IMMP2L: variants seen among roughly 807,000 people sequenced by gnomAD.
The protein encoded by IMMP2L is inner mitochondrial membrane peptidase subunit 2.
IMMP2L carries 18 observed loss-of-function variants against 19.3 expected under a neutral mutation model. That is an observed-to-expected ratio of 0.93 (90% CI 0.64 to 1.38). The LOEUF (loss-of-function observed/expected upper bound fraction) is 1.38. Among genes scored for constraint, IMMP2L ranks in the 40% most tolerant of loss-of-function variants. The probability of loss-of-function intolerance (pLI) is 0.00; values close to 1 mark genes in which losing one functional copy is unlikely to be tolerated. For synonymous variants in IMMP2L, 76 were observed against 73.0 expected, an observed-to-expected ratio of 1.04 and a Z score of -0.21; for missense variants, 233 against 218.2, an observed-to-expected ratio of 1.07 and a Z score of -0.43.
intron 2 of IMMP2L, among the ~76,000 whole-genome samples, chr7:111,500,985 C>T (rs1462043280): frequency 2.0e-5 from 3 of 151,980 alleles, no homozygotes; most frequent in South Asian, 2.1e-4. Flanking sequence ...ATGACTTTGA[C>T]GAGTTGAGAG....
intron 3 of IMMP2L, among the ~76,000 whole-genome samples, chr7:111,403,359 GT>G (rs1660554536): frequency 6.6e-6 from 1 of 151,820 alleles, no homozygotes; most frequent in African/African-American, 2.4e-5. Flanking sequence ...ATGTAGAACT[GT>G]AAGTCAATTG....
intron 5 of IMMP2L, among the ~76,000 whole-genome samples, chr7:110,840,790 T>G (rs1463251262): frequency 6.6e-6 from 1 of 152,084 alleles, no homozygotes; most frequent in Non-Finnish European, 1.5e-5. Flanking sequence ...ATGAAAAACT[T>G]TTGTCTCTTT....
At chr7:111,444,894 T>A (rs1838151978) in intron 3 of IMMP2L, among the ~76,000 whole-genome samples, 1 of 152,108 alleles carries the variant, frequency 6.6e-6, no homozygotes, top group African/African-American at 2.4e-5. Flanking sequence ...GCATAATATC[T>A]ATTGGAGACA....
At chr7:111,370,477 C>A (rs1459569431) in intron 3 of IMMP2L, among the ~76,000 whole-genome samples, 2 of 151,900 alleles carry the variant, frequency 1.3e-5, no homozygotes, top group African/African-American at 2.4e-5. Context: ...ACACAGAAAA[C>A]GTCTATGGAA....
chr7:111,481,530 A>C (rs1015078665), intron 3 of IMMP2L, among the ~76,000 whole-genome samples: 1 of 152,164 alleles, frequency 6.6e-6, no homozygotes, highest in African/African-American at 2.4e-5. Context: ...AATAAAAGTG[A>C]AGTTAGAACT....
chr7:111,359,325 A>AG (rs1829032661), intron 3 of IMMP2L, among the ~76,000 whole-genome samples: 1 of 152,030 alleles, frequency 6.6e-6, no homozygotes, highest in Non-Finnish European at 1.5e-5. Context: ...TTAATGAGAC[A>AG]GAGTCTCTCT....
At chr7:111,386,896 C>T (rs1018142035) in intron 3 of IMMP2L, among the ~76,000 whole-genome samples, 3 of 152,054 alleles carry the variant, frequency 2.0e-5, no homozygotes, top group Admixed American at 6.6e-5. Flanking sequence ...AATAACCCCA[C>T]AAAAAGAAGA....
rs1562917608 is a variant in IMMP2L, at chr7:110,688,848, T to C, written c.409-25127A>G. Among the ~76,000 whole-genome samples, 3 of 152,132 alleles carry C rather than the reference T, an allele frequency of 2.0e-5. No individual in the cohort carries two copies. The South Asian group carries it at 6.2e-4, about 31-fold the overall frequency. ...CTTTCTCTCTGTCTCTCTCTGTATG[T>C]ATGTATGTATATACACATACATATA... is the stretch of plus-strand genomic sequence containing the variant. On this transcript the variant is annotated intron_variant, in intron 5 of 5. Coordinates refer to ENST00000405709, the MANE Select transcript of IMMP2L (RefSeq NM_032549.4).
At chr7:111,129,765 C>T (rs1354927530) in intron 3 of IMMP2L, among the ~76,000 whole-genome samples, 2 of 152,044 alleles carry the variant, frequency 1.3e-5, no homozygotes, top group Non-Finnish European at 2.9e-5. Context: ...TAAGAGTGAC[C>T]ATGGCCTAGA....
intron 4 of IMMP2L, among the ~76,000 whole-genome samples, chr7:110,923,100 A>G (rs1356032519): frequency 6.6e-6 from 1 of 152,214 alleles, no homozygotes; most frequent in Non-Finnish European, 1.5e-5. Flanking sequence ...ACCAGTAACT[A>G]CAAGTTTCAA....
At chr7:111,439,385 G>T (rs1351408082) in intron 3 of IMMP2L, among the ~76,000 whole-genome samples, 1 of 151,642 alleles carries the variant, frequency 6.6e-6, no homozygotes, top group African/African-American at 2.4e-5. Flanking sequence ...TTACATCAAG[G>T]AAAGACCTCA....
At chr7:110,809,639 A>G (rs1426258127) in intron 5 of IMMP2L, among the ~76,000 whole-genome samples, 1 of 152,070 alleles carries the variant, frequency 6.6e-6, no homozygotes, top group African/African-American at 2.4e-5. Context: ...AACTAGATAA[A>G]TATAATAATT....
chr7:110,976,193 T>A (rs1218208581), intron 3 of IMMP2L, among the ~76,000 whole-genome samples: 1 of 152,074 alleles, frequency 6.6e-6, no homozygotes. Flanking sequence ...GACCATAAGA[T>A]GATATGAAGG....
intron 3 of IMMP2L, among the ~76,000 whole-genome samples, chr7:111,141,177 A>AT (rs200557685): frequency 2.1e-4 from 32 of 150,010 alleles, no homozygotes; most frequent in Middle Eastern, 3.4e-3. Context: ...ATTAACTCAG[A>AT]TTTTTTTTTT....
intron 5 of IMMP2L, among the ~76,000 whole-genome samples, chr7:110,787,891 T>G (rs566159840): frequency 2.0e-5 from 3 of 151,982 alleles, no homozygotes. Flanking sequence ...GAGTAGGCTC[T>G]TCTACATAAT....
chr7:110,993,106 T>C (rs555481341), intron 3 of IMMP2L, among the ~76,000 whole-genome samples: 1 of 152,188 alleles, frequency 6.6e-6, no homozygotes, highest in Admixed American at 6.5e-5. Flanking sequence ...AAAGAGGTAG[T>C]ACTACATCAA....
chr7:111,524,042 C>A (rs1846603036), intron 1 of IMMP2L, among the ~76,000 whole-genome samples: 1 of 151,986 alleles, frequency 6.6e-6, no homozygotes, highest in Admixed American at 6.6e-5. Flanking sequence ...TCATGTACTA[C>A]CTCCATTAAT....
At chr7:110,744,963 G>T (rs1797236781) in intron 5 of IMMP2L, among the ~76,000 whole-genome samples, 1 of 152,172 alleles carries the variant, frequency 6.6e-6, no homozygotes, top group Non-Finnish European at 1.5e-5. Context: ...CTGAGCTAAA[G>T]GAGCATGTCT....
At chr7:110,678,241 A>G (rs1374622548) in intron 5 of IMMP2L, among the ~76,000 whole-genome samples, 2 of 152,114 alleles carry the variant, frequency 1.3e-5, no homozygotes, top group African/African-American at 4.8e-5. Context: ...ATGCCAATTC[A>G]TACTTCTGGC....
Sources: gnomAD v4.1 joint callset for allele counts (sites outside exome capture counted in the v4.1 genomes callset) on GRCh38, gnomAD v4.1.1 for gene constraint, MANE v1.5 for transcripts, NCBI Gene and HGNC (gene_info 2026-07-23, HGNC 2026-07-21) for gene names.